Variants in OXCT1 observed in about 807,000 individuals in gnomAD.
OXCT1 encodes the protein succinyl-CoA:3-ketoacid coenzyme A transferase 1, mitochondrial.
In OXCT1, 27 loss-of-function variants were observed where a neutral mutation model predicts 69.6. The ratio of observed to expected loss-of-function variants is 0.39; its 90% CI spans 0.29 to 0.54. OXCT1 has a LOEUF of 0.54. OXCT1 is among the 20% of genes least tolerant of loss of function. The pLI, the probability that OXCT1 is intolerant of heterozygous loss-of-function variation, is 0.72. For synonymous variants in OXCT1, 202 were observed against 217.8 expected (o/e 0.93, Z 0.64); for missense variants, 437 against 650.2 (o/e 0.67, Z 3.57).
intron 13 of OXCT1, among the ~76,000 whole-genome samples, chr5:41,769,542 G>C (rs1032685771): frequency 3.0e-5 from 4 of 133,668 alleles, no homozygotes; most frequent in African/African-American, 1.1e-4. Flanking sequence ...GGGCAATATA[G>C]AAAGACCCTA....
chr5:41,755,446 A>G (rs922937843), intron 14 of OXCT1, among the ~76,000 whole-genome samples: 1 of 152,102 alleles, frequency 6.6e-6, no homozygotes, highest in Non-Finnish European at 1.5e-5. Context: ...TTTATAAATG[A>G]GAAAAAAATT....
intron 7 of OXCT1, among the ~76,000 whole-genome samples, chr5:41,824,213 A>G (rs966579859): frequency 6.6e-6 from 1 of 152,182 alleles, no homozygotes; most frequent in African/African-American, 2.4e-5. Flanking sequence ...TTGTTCTTCT[A>G]TAAAATATAC....
At chr5:41,855,228 T>C (rs1054718319) in intron 3 of OXCT1, among the ~76,000 whole-genome samples, 1 of 152,136 alleles carries the variant, frequency 6.6e-6, no homozygotes, top group Non-Finnish European at 1.5e-5. Flanking sequence ...TCTATGAGAA[T>C]CAAAAGTAAG....
At chr5:41,868,447 G>A (rs1006954796) in intron 1 of OXCT1, among the ~76,000 whole-genome samples, 28 of 152,222 alleles carry the variant, frequency 1.8e-4, no homozygotes, top group African/African-American at 6.8e-4. Context: ...AGGATTTAAA[G>A]TGCTAAACAA....
chr5:41,746,898 G>A (rs573991725), intron 15 of OXCT1, among the ~76,000 whole-genome samples: 1 of 152,190 alleles, frequency 6.6e-6, no homozygotes, highest in East Asian at 1.9e-4. Context: ...CCAACAATGT[G>A]CAATTCATCA....
chr5:41,834,487 C>CAAAAAAAAAAA (rs1209653207), intron 7 of OXCT1, among the ~76,000 whole-genome samples: 2 of 75,108 alleles, frequency 2.7e-5, no homozygotes, highest in African/African-American at 9.0e-5. Context: ...TGGAAACCCA[C>CAAAAAAAAAAA]AAAAAAAAAA....
At chr5:41,844,859 G>T (rs569788427) in intron 5 of OXCT1, among the ~76,000 whole-genome samples, 7 of 149,958 alleles carry the variant, frequency 4.7e-5, no homozygotes, top group African/African-American at 1.7e-4. Context: ...TACCACCTTG[G>T]TCTAGCCACC....
intron 13 of OXCT1, among the ~76,000 whole-genome samples, chr5:41,784,462 C>T (rs1026130037): frequency 3.3e-5 from 5 of 152,072 alleles, no homozygotes; most frequent in African/African-American, 7.2e-5. Context: ...AGGCTTTATC[C>T]GACAATCATT....
At chr5:41,863,688 T>C (rs182802524) in intron 1 of OXCT1, among the ~76,000 whole-genome samples, 14 of 152,342 alleles carry the variant, frequency 9.2e-5, no homozygotes, top group African/African-American at 3.4e-4. Flanking sequence ...AAAGTCCATA[T>C]ACTGGAATTC....
rs200129807 is a variant in OXCT1, at chr5:41,870,363, G to A, written c.-5C>T. 31 of 1,611,816 alleles carry A rather than the reference G, an allele frequency of 1.9e-5. No homozygotes were observed. The African/African-American group carries it at 3.5e-4, about 18-fold the overall frequency. On this transcript the variant is annotated 5_prime_UTR_variant, in exon 1 of 17. Coordinates refer to ENST00000196371, the MANE Select transcript of OXCT1 (RefSeq NM_000436.4). The surrounding 1 kb of genome is among the most constrained non-coding windows in gnomAD (Gnocchi z 4.2). Reference sequence around the variant, plus strand: ...GAGGAGTTTGAGAGCCGCCATCTTCGGGCGGTGAGGCAGGAGGAGGCTGCG... The same window carrying A: ...GAGGAGTTTGAGAGCCGCCATCTTCAGGCGGTGAGGCAGGAGGAGGCTGCG...
chr5:41,854,139 T>C (rs1394401694), intron 3 of OXCT1, among the ~76,000 whole-genome samples: 2 of 152,094 alleles, frequency 1.3e-5, no homozygotes, highest in East Asian at 1.9e-4. Context: ...CATAAATCTT[T>C]TGCTCAAGAA....
intron 8 of OXCT1, among the ~76,000 whole-genome samples, chr5:41,806,672 A>G (rs1746696280): frequency 6.6e-6 from 1 of 152,060 alleles, no homozygotes; most frequent in Non-Finnish European, 1.5e-5. Flanking sequence ...TGCTCTGAGT[A>G]AAAGCTTCCT....
At chr5:41,817,624 G>A (rs184190491) in intron 7 of OXCT1, among the ~76,000 whole-genome samples, 12 of 152,290 alleles carry the variant, frequency 7.9e-5, no homozygotes, top group Admixed American at 6.5e-4. Flanking sequence ...TTGTGTACTT[G>A]CTATATCCAT....
In OXCT1 at chr5:41,731,715, C is replaced by T; in HGVS notation, c.*14G>A. 6 of 1,603,948 alleles carry T rather than the reference C, an allele frequency of 3.7e-6. No individual in the cohort carries two copies. Among genetic ancestry groups the T allele is most frequent in the Non-Finnish European group, 5.1e-6 (6 of 1,174,824 alleles). ...AAAATGAAAAACACGCAGCCTGGTACAAATATCCATATTTCAATTTGCGAT... is the reference window on the plus strand; with the variant it reads ...AAAATGAAAAACACGCAGCCTGGTATAAATATCCATATTTCAATTTGCGAT... On this transcript the variant is annotated 3_prime_UTR_variant, in exon 17 of 17. Coordinates refer to ENST00000196371, the MANE Select transcript of OXCT1 (RefSeq NM_000436.4).
intron 7 of OXCT1, among the ~76,000 whole-genome samples, chr5:41,831,899 A>G (rs577739301): frequency 4.1e-4 from 63 of 152,322 alleles, no homozygotes; most frequent in African/African-American, 1.4e-3. Context: ...AATCAGAAAC[A>G]CTACATGTCT....
chr5:41,742,219 T>C (rs1386194242), intron 15 of OXCT1, among the ~76,000 whole-genome samples: 2 of 152,176 alleles, frequency 1.3e-5, no homozygotes, highest in Non-Finnish European at 2.9e-5. Flanking sequence ...AAACCAAGTA[T>C]CTATAATTTA....
chr5:41,818,020 G>A (rs1352864243), intron 7 of OXCT1, among the ~76,000 whole-genome samples: 1 of 152,164 alleles, frequency 6.6e-6, no homozygotes, highest in Non-Finnish European at 1.5e-5. Flanking sequence ...AAAATCCATA[G>A]AACATTTCTA....
chr5:41,799,710 T>C (rs1435053343), intron 11 of OXCT1, among the ~76,000 whole-genome samples: 2 of 152,198 alleles, frequency 1.3e-5, no homozygotes, highest in African/African-American at 4.8e-5. Flanking sequence ...AATGAGCTAT[T>C]GCTAAAGGGT....
intron 7 of OXCT1, among the ~76,000 whole-genome samples, chr5:41,815,251 A>G (rs1747183943): frequency 6.6e-6 from 1 of 152,218 alleles, no homozygotes; most frequent in Non-Finnish European, 1.5e-5. Context: ...AATAAAAAAT[A>G]AAAGCAGTCT....
Sources: gnomAD v4.1 joint callset for allele counts (sites outside exome capture counted in the v4.1 genomes callset) on GRCh38, gnomAD v4.1.1 for gene constraint, Gnocchi (gnomAD v3.1) non-coding constraint, MANE v1.5 for transcripts, NCBI Gene and HGNC (gene_info 2026-07-23, HGNC 2026-07-21) for gene names.